The following PTPRU variants were observed in gnomAD, a reference collection of about 807,000 sequenced individuals.
PTPRU encodes protein tyrosine phosphatase receptor type U.
In PTPRU, 69 loss-of-function variants were observed where a neutral mutation model predicts 166.3. That is an observed-to-expected ratio of 0.41 (90% CI 0.34 to 0.51). The LOEUF (loss-of-function observed/expected upper bound fraction) is 0.51, where lower values mean the gene tolerates loss of function less well. Ranked by LOEUF, PTPRU falls within the 20% of genes least tolerant of loss-of-function variation. The probability of loss-of-function intolerance (pLI) is 0.09; values close to 1 mark genes in which losing one functional copy is unlikely to be tolerated. For missense variants in PTPRU, 1,657 were observed against 2,013.7 expected (o/e 0.82, Z 3.39); for synonymous variants, 793 against 814.0 (o/e 0.97, Z 0.44).
rs1423131987 is a variant in PTPRU at position 29,271,689 on chromosome 1, A to G, written c.1145-3759A>G. On this transcript the variant is annotated intron_variant, in intron 7 of 29. Coordinates refer to ENST00000373779, the MANE Select transcript of PTPRU (RefSeq NM_133178.4). This position sits in a 1 kb window ranked among gnomAD's most constrained non-coding sequence, Gnocchi z 4.4. Reference sequence around the variant, plus strand: ...TCTGAACCTGTAGTCCTGCCTGGCAACAGTCATCTAGAGGTGAGCAGTAGC... The same window carrying G: ...TCTGAACCTGTAGTCCTGCCTGGCAGCAGTCATCTAGAGGTGAGCAGTAGC... 6.6e-6 allele frequency among the ~76,000 whole-genome samples: 1 copy of G among 152,240 alleles called. No individual in the cohort carries two copies.
At chr1:29,325,505 C>A in intron 29 of PTPRU, 94 bp from the exon 30 acceptor site, 1 of 1,514,456 alleles carries the variant, frequency 6.6e-7, no homozygotes, top group Non-Finnish European at 9.1e-7. Flanking sequence ...TGGGCTCGGG[C>A]TCGTGCTTGC....
chr1:29,312,687 C>A lies in PTPRU; in HGVS notation c.3208C>A (p.Pro1070Thr). 1 of 1,607,602 alleles carries A rather than the reference C, an allele frequency of 6.2e-7. No individual in the cohort carries two copies. Among genetic ancestry groups the A allele is most frequent in the Non-Finnish European group, 8.5e-7 (1 of 1,175,356 alleles). The change falls in exon 22 of 30, where the codon CCC becomes ACC. Residue 1070 changes from proline to threonine, a missense_variant. Pro to Thr is a conservative substitution (Grantham distance 38). Coordinates refer to ENST00000373779, the MANE Select transcript of PTPRU (RefSeq NM_133178.4). ...GGCCTCCACCCCACCTGATGCCGGG[C>A]CCATTGTCATCCACTGCAGGTGGGG... ...VKASTPPDAG[P>T]IVIHCSAGTG...
chr1:29,279,334 G>C lies in PTPRU; in HGVS notation c.1564-122G>C. 1 of 1,166,946 alleles carries C rather than the reference G, an allele frequency of 8.6e-7. No homozygotes were observed. The highest frequency in any genetic ancestry group is 1.4e-5 in the South Asian group (1 of 72,008). The allele number at this position is 1,166,946 out of a possible 1,614,324, so 72.3% of individuals were successfully genotyped here. A position where few individuals can be genotyped will look rare whatever the true frequency, so the allele number is the denominator to read the frequency against. On this transcript the variant is annotated intron_variant, in intron 9 of 29. Transcript: ENST00000373779. The surrounding 1 kb of genome is among the most constrained non-coding windows in gnomAD (Gnocchi z 5.2). ...AGATGACTAGAAGCCTGGCTTGATGGCATCCATAGTCTCCTTTGCTTAGCC... is the reference window on the plus strand; with the variant it reads ...AGATGACTAGAAGCCTGGCTTGATGCCATCCATAGTCTCCTTTGCTTAGCC...
intron 14 of PTPRU, among the ~76,000 whole-genome samples, chr1:29,290,291 T>G (rs1421166552): frequency 2.0e-5 from 3 of 152,204 alleles, no homozygotes; most frequent in Non-Finnish European, 4.4e-5. Context: ...GCTCAGTTCT[T>G]GACAGAGTCC....
chr1:29,260,712 T>G lies in PTPRU; in HGVS notation c.953T>G (p.Val318Gly), dbSNP rs1318464490. The change falls in exon 7 of 30, where the codon GTG (valine) becomes GGG (glycine). Residue 318 changes from valine to glycine, a missense_variant. Around this residue, in one of 3 missense-constraint regions of PTPRU, gnomAD observed 453 missense variants for 496.9 expected, o/e 0.91. Transcript: ENST00000373779. This position sits in a 1 kb window ranked among gnomAD's most constrained non-coding sequence, Gnocchi z 8.3. Reference sequence around the variant, plus strand: ...TCCATCATTGGCGACGGGCCGATCGTGCGCAAGGAGATTGAGTACCGCATG... The same window carrying G: ...TCCATCATTGGCGACGGGCCGATCGGGCGCAAGGAGATTGAGTACCGCATG... ...TNSIIGDGPI[V>G]RKEIEYRMAR... 2.5e-6 allele frequency: 4 copies of G among 1,600,664 alleles called. No homozygotes were observed. Among genetic ancestry groups the G allele is most frequent in the Non-Finnish European group, 3.4e-6 (4 of 1,172,926 alleles).
intron 15 of PTPRU, among the ~76,000 whole-genome samples, chr1:29,300,045 C>T (rs1687066912): frequency 1.3e-5 from 2 of 152,170 alleles, no homozygotes; most frequent in African/African-American, 4.8e-5. Flanking sequence ...TCGCTGTGTG[C>T]CAGGCACGGG....
chr1:29,236,892 T>G lies in PTPRU; in HGVS notation c.73+175T>G, dbSNP rs1683793714. Among the ~76,000 whole-genome samples the G allele has an allele frequency of 6.6e-6, 1 of 152,104 alleles. No homozygotes were observed. Among genetic ancestry groups the G allele is most frequent in the African/African-American group, 2.4e-5 (1 of 41,424 alleles). On this transcript the variant is annotated intron_variant, in intron 1 of 29. Coordinates refer to ENST00000373779, the MANE Select transcript of PTPRU (RefSeq NM_133178.4). This position sits in a 1 kb window ranked among gnomAD's most constrained non-coding sequence, Gnocchi z 4.6. ...GGGTGTTGCGTGACTGCGAATGTTG[T>G]GTGTCCGTGAGTTCTGTGCGCAAGA...
chr1:29,241,276 C>G (rs1684042469), intron 1 of PTPRU, among the ~76,000 whole-genome samples: 1 of 152,008 alleles, frequency 6.6e-6, no homozygotes. Context: ...CAACCCAGTA[C>G]CAGCATGTGG....
Position 29,257,332 on chromosome 1 carries a change from C to T in PTPRU, c.206-1173C>T, listed in dbSNP as rs934255881. Reference sequence around the variant, plus strand: ...TACTACTGCCCTGCTGGGACTGATCCAGGAGCCGCCTCCATAGGGCTTCTA... The same window carrying T: ...TACTACTGCCCTGCTGGGACTGATCTAGGAGCCGCCTCCATAGGGCTTCTA... On this transcript the variant is annotated intron_variant, in intron 2 of 29. Coordinates refer to ENST00000373779, the MANE Select transcript of PTPRU (RefSeq NM_133178.4). This position sits in a 1 kb window ranked among gnomAD's most constrained non-coding sequence, Gnocchi z 4.6. Among the ~76,000 whole-genome samples the T allele has an allele frequency of 1.1e-4, 16 of 152,112 alleles. No homozygotes were observed. The highest frequency in any genetic ancestry group is 3.9e-4 in the African/African-American group (16 of 41,410).
chr1:29,269,246 A>AT (rs1175870568), intron 7 of PTPRU, among the ~76,000 whole-genome samples: 263 of 20,560 alleles, frequency 0.013, 41 homozygotes, highest in Non-Finnish European at 0.021. Context: ...ATATATATAT[A>AT]TTTTTTTTTT....
In PTPRU at chr1:29,303,610, G is replaced by T. The variant is rs147599567; in HGVS notation, c.2477-245G>T. Among the ~76,000 whole-genome samples, 264 of 152,310 alleles carry T rather than the reference G, an allele frequency of 1.7e-3. 4 individuals carry two copies. Among genetic ancestry groups the T allele is most frequent in the African/African-American group, 6.0e-3 (251 of 41,580 alleles). ...TAATGAAATCTAGCCAGGCAGGGCC[G>T]CAAGGGCCCTCGGAGGCCACCTGAT... On this transcript the variant is annotated intron_variant, in intron 15 of 29. Coordinates refer to ENST00000373779, the MANE Select transcript of PTPRU (RefSeq NM_133178.4).
rs752996515 is a variant in PTPRU, at chr1:29,323,650, T to G, written c.3974T>G (p.Leu1325Arg). 1 of 1,613,944 alleles carries G rather than the reference T, an allele frequency of 6.2e-7. No homozygotes were observed. Among genetic ancestry groups the G allele is most frequent in the Non-Finnish European group, 8.5e-7 (1 of 1,179,964 alleles). Residue 1325 changes from leucine to arginine, a missense_variant, in exon 28 of 30, where the codon CTG (leucine) becomes CGG (arginine). By Grantham distance (102) the Leu-to-Arg change is moderately radical. This residue lies in a region of PTPRU where 1,190 missense variants were observed against 1,477.4 expected (regional missense o/e 0.81). Transcript: ENST00000373779. The part of the protein sequence containing the change: ...NISRLQEGHL[L>R]VRHFQFLRWS... ...CCCCAGTTGCAGGAGGGGCACCTGC[T>G]GGTGCGGCACTTCCAGTTCCTGCGC... is the stretch of plus-strand genomic sequence containing the variant.
At chr1:29,278,042 A>T (rs1574651839) in intron 8 of PTPRU, among the ~76,000 whole-genome samples, 1 of 150,946 alleles carries the variant, frequency 6.6e-6, no homozygotes, top group South Asian at 2.1e-4. Context: ...CTGGTCTCGA[A>T]CTCCTGACCT....
At chr1:29,324,763 T>C (rs1262350161) in intron 28 of PTPRU, among the ~76,000 whole-genome samples, 2 of 152,166 alleles carry the variant, frequency 1.3e-5, no homozygotes, top group African/African-American at 4.8e-5. Flanking sequence ...CTGGTCCTGC[T>C]CCTCCCTCTG....
chr1:29,289,188 T>A (rs1290366049), intron 14 of PTPRU, among the ~76,000 whole-genome samples: 1 of 152,106 alleles, frequency 6.6e-6, no homozygotes, highest in African/African-American at 2.4e-5. Context: ...CTAGAGAGTA[T>A]GAGTCTGTGT....
In PTPRU at chr1:29,323,712, G is replaced by C; in HGVS notation, c.4036G>C (p.Ala1346Pro). The change falls in exon 28 of 30, where the codon GCC (alanine) becomes CCC (proline). Residue 1346 changes from alanine to proline, a missense_variant. Coordinates refer to ENST00000373779, the MANE Select transcript of PTPRU (RefSeq NM_133178.4). ...AYRDTPDSKK[A>P]FLHLLAEVDK... ...CCGGGACACACCTGACTCCAAGAAG[G>C]CCTTCTTGCACCTGCTGGCTGAGGT... 1 of 1,614,150 alleles carries C rather than the reference G, an allele frequency of 6.2e-7. No homozygotes were observed.
chr1:29,285,512 G>C (rs1365408434), intron 14 of PTPRU, among the ~76,000 whole-genome samples: 1 of 152,204 alleles, frequency 6.6e-6, no homozygotes, highest in Non-Finnish European at 1.5e-5. Flanking sequence ...GCAGAGGGCA[G>C]CATATATCCC....
At chr1:29,301,475 A>G (rs1332501248) in intron 15 of PTPRU, among the ~76,000 whole-genome samples, 1 of 152,214 alleles carries the variant, frequency 6.6e-6, no homozygotes, top group East Asian at 1.9e-4. Context: ...TGTATTTAAT[A>G]TACTATTAAT....
chr1:29,265,606 G>C (rs893648613), intron 7 of PTPRU, among the ~76,000 whole-genome samples: 11 of 151,948 alleles, frequency 7.2e-5, no homozygotes, highest in Admixed American at 4.6e-4. Context: ...CAAGTGTTCT[G>C]CCCGCCTCAG....
Sources: gnomAD v4.1 joint callset for allele counts (sites outside exome capture counted in the v4.1 genomes callset) on GRCh38, gnomAD v4.1.1 for gene constraint, gnomAD v4.1.1 regional missense constraint, Gnocchi (gnomAD v3.1) non-coding constraint, MANE v1.5 for transcripts, NCBI Gene and HGNC (gene_info 2026-07-23, HGNC 2026-07-21) for gene names.